The following ZFP1 variants were observed in gnomAD, a reference collection of about 807,000 sequenced individuals.
The protein encoded by ZFP1 is ZFP1 zinc finger protein.
ZFP1 carries 32 observed loss-of-function variants against 38.5 expected under a neutral mutation model. The ratio of observed to expected loss-of-function variants is 0.83; its 90% CI spans 0.63 to 1.12. ZFP1 has a LOEUF of 1.12. Among genes scored for constraint, ZFP1 ranks in the 50% most tolerant of loss-of-function variants. ZFP1 has a pLI of 0.00. For missense variants in ZFP1, 616 were observed against 480.8 expected, an observed-to-expected ratio of 1.28 and a Z score of -2.63; for synonymous variants, 245 against 168.8, an observed-to-expected ratio of 1.45 and a Z score of -3.50.
chr16:75,155,799 A>G (rs548959715), intron 2 of ZFP1, among the ~76,000 whole-genome samples: 1 of 152,306 alleles, frequency 6.6e-6, no homozygotes, highest in South Asian at 2.1e-4. Flanking sequence ...TATATTCTTA[A>G]TGTAATATTC....
chr16:75,129,712 A>C, the ZFP1 span, among the ~76,000 whole-genome samples: 1 of 152,162 alleles, frequency 6.6e-6, no homozygotes, highest in African/African-American at 2.4e-5. Context: ...TGCTGTGATC[A>C]CCTTGGGCAC....
the ZFP1 span, among the ~76,000 whole-genome samples, chr16:75,122,053 C>G: frequency 5.9e-5 from 9 of 152,248 alleles, 1 homozygote; most frequent in African/African-American, 2.2e-4. Flanking sequence ...AATGCTTATT[C>G]CCCAGTGCCA....
the ZFP1 span, among the ~76,000 whole-genome samples, chr16:75,142,765 C>T: frequency 0.54 from 82,148 of 151,966 alleles, 22,786 homozygotes; most frequent in East Asian, 0.69. Context: ...TGCAGTGGTG[C>T]GATCTCAGCT....
chr16:75,140,164 A>G, the ZFP1 span, among the ~76,000 whole-genome samples: 1 of 152,050 alleles, frequency 6.6e-6, no homozygotes, highest in African/African-American at 2.4e-5. Context: ...GCTACTCAGG[A>G]GGCTGAGGCA....
chr16:75,126,485 C>A, the ZFP1 span, among the ~76,000 whole-genome samples: 7 of 152,200 alleles, frequency 4.6e-5, no homozygotes, highest in African/African-American at 9.6e-5. Flanking sequence ...CTTACTACAA[C>A]CTCTGCCTCC....
upstream of ZFP1, among the ~76,000 whole-genome samples, chr16:75,146,963 G>T (rs1427295806): frequency 4.9e-5 from 5 of 102,678 alleles, no homozygotes; most frequent in Admixed American, 5.1e-4. Flanking sequence ...AAAAAAAAAA[G>T]CCAGGGTAAC....
chr16:75,146,464 G>T (rs928047003), upstream of ZFP1, among the ~76,000 whole-genome samples: 1 of 151,884 alleles, frequency 6.6e-6, no homozygotes, highest in African/African-American at 2.4e-5. Flanking sequence ...ACTGCACCCG[G>T]CCGCAACCAT....
intron 2 of ZFP1, among the ~76,000 whole-genome samples, chr16:75,160,568 A>G (rs1441832480): frequency 1.3e-5 from 2 of 151,938 alleles, no homozygotes; most frequent in African/African-American, 4.8e-5. Context: ...CTGAGGCACA[A>G]GAATCACTTG....
rs923835454 is a variant in ZFP1, at chr16:75,171,044, T to C, written c.*710T>C. 1.2e-4 allele frequency: 7 copies of C among 58,782 alleles called. No homozygotes were observed. Among genetic ancestry groups the C allele is most frequent in the Non-Finnish European group, 2.7e-4 (6 of 21,852 alleles). 3.6% of individuals were successfully genotyped at this position (58,782 alleles called of 1,614,324 possible). On this transcript the variant is annotated 3_prime_UTR_variant, in exon 4 of 4. Coordinates refer to ENST00000570010, the MANE Select transcript of ZFP1 (RefSeq NM_153688.4). Reference sequence around the variant, plus strand: ...ATGCAAATGTGAAATAACCGATCTATAACGTGAAGGAGGCAGACATGAGCT... The same window carrying C: ...ATGCAAATGTGAAATAACCGATCTACAACGTGAAGGAGGCAGACATGAGCT...
chr16:75,121,155 T>C, the ZFP1 span, among the ~76,000 whole-genome samples: 2 of 151,870 alleles, frequency 1.3e-5, no homozygotes, highest in African/African-American at 2.4e-5. Flanking sequence ...AATCCTATGA[T>C]AAATTTCTTT....
the ZFP1 span, among the ~76,000 whole-genome samples, chr16:75,123,329 G>A: frequency 2.0e-5 from 3 of 150,262 alleles, no homozygotes; most frequent in Non-Finnish European, 4.4e-5. Flanking sequence ...ACTCCAGCCT[G>A]GGCGACACAG....
intron 2 of ZFP1, chr16:75,157,020 C>G (rs1333307411): frequency 6.6e-6 from 1 of 152,212 alleles, no homozygotes; most frequent in Non-Finnish European, 1.5e-5. Context: ...CAGTCCGTAA[C>G]TACAAGTAAT....
chr16:75,148,238 A>T (rs1157894931), upstream of ZFP1, among the ~76,000 whole-genome samples: 4 of 152,216 alleles, frequency 2.6e-5, no homozygotes, highest in Non-Finnish European at 5.9e-5. Context: ...TTATTTGTGT[A>T]ATGTTTAAAA....
At chr16:75,125,154 G>A in the ZFP1 span, among the ~76,000 whole-genome samples, 1 of 152,102 alleles carries the variant, frequency 6.6e-6, no homozygotes, top group African/African-American at 2.4e-5. Context: ...AGCTATTTGG[G>A]AGGCTGAGGC....
chr16:75,154,261 T>A (rs1210572392), intron 2 of ZFP1, among the ~76,000 whole-genome samples: 1 of 152,154 alleles, frequency 6.6e-6, no homozygotes, highest in Non-Finnish European at 1.5e-5. Context: ...AAGTCTTTTC[T>A]TGGCTTGATA....
At chr16:75,146,756 T>C (rs747988750), upstream of ZFP1, among the ~76,000 whole-genome samples, 4 of 151,972 alleles carry the variant, frequency 2.6e-5, no homozygotes. Flanking sequence ...CTGGGCAACA[T>C]GGCAAAATGC....
intron 2 of ZFP1, among the ~76,000 whole-genome samples, chr16:75,158,002 G>T (rs1012681947): frequency 6.6e-6 from 1 of 151,728 alleles, no homozygotes; most frequent in Admixed American, 6.6e-5. Context: ...TGCCCAGGCT[G>T]GTCTCAAACC....
chr16:75,150,817 A>G (rs151156748), intron 1 of ZFP1, among the ~76,000 whole-genome samples: 39 of 152,160 alleles, frequency 2.6e-4, no homozygotes, highest in Middle Eastern at 3.4e-3. Context: ...TTGATCGTAG[A>G]ATCTTCCTTG....
At chr16:75,163,297 G>GTT (rs1232286997) in intron 2 of ZFP1, among the ~76,000 whole-genome samples, 1 of 150,532 alleles carries the variant, frequency 6.6e-6, no homozygotes, top group Non-Finnish European at 1.5e-5. Context: ...GTGCATTGTT[G>GTT]TTTTTTTTGT....
Sources: allele counts gnomAD v4.1 joint callset (sites outside exome capture counted in the v4.1 genomes callset), GRCh38; gene constraint gnomAD v4.1.1; transcripts MANE v1.5; gene names NCBI Gene and HGNC (gene_info 2026-07-23, HGNC 2026-07-21).